HECTD4: variants seen among roughly 807,000 people sequenced by gnomAD.
HECTD4 encodes probable E3 ubiquitin-protein ligase HECTD4.
Under a neutral mutation model 471.5 loss-of-function variants are expected in HECTD4, and 114 were observed. The observed-to-expected ratio is 0.24, with a 90% CI of 0.21 to 0.28. The LOEUF is 0.28. Among genes scored for constraint, HECTD4 ranks in the 10% least tolerant of loss-of-function variants. HECTD4 has a pLI of 1.00. For synonymous variants in HECTD4, 2,012 were observed against 2,256.0 expected (o/e 0.89, Z 3.07); for missense variants, 3,866 against 5,651.5 (o/e 0.68, Z 10.13).
chr12:112,371,711 A>AC (rs1301994742), intron 1 of HECTD4, among the ~76,000 whole-genome samples: 2 of 151,974 alleles, frequency 1.3e-5, no homozygotes, highest in African/African-American at 4.8e-5. Context: ...ACATGGAGAA[A>AC]CCCCGTCTCT....
intron 40 of HECTD4, among the ~76,000 whole-genome samples, chr12:112,230,399 T>A (rs1170330257): frequency 6.6e-6 from 1 of 152,188 alleles, no homozygotes; most frequent in Non-Finnish European, 1.5e-5. Flanking sequence ...GATCTCCTAA[T>A]GTCAGTACCA....
intron 1 of HECTD4, among the ~76,000 whole-genome samples, chr12:112,364,999 T>C (rs1362479593): frequency 1.3e-5 from 2 of 152,198 alleles, no homozygotes; most frequent in East Asian, 1.9e-4. Flanking sequence ...ATAGGCTGAT[T>C]ATGTTCCAAT....
At chr12:112,321,090 C>T (rs1019943904) in intron 1 of HECTD4, among the ~76,000 whole-genome samples, 6 of 151,962 alleles carry the variant, frequency 3.9e-5, no homozygotes, top group African/African-American at 1.2e-4. Context: ...GTGATCTGCC[C>T]ACCTCGGCCT....
intron 44 of HECTD4, among the ~76,000 whole-genome samples, chr12:112,225,256 A>G (rs2033201715): frequency 6.6e-6 from 1 of 151,964 alleles, no homozygotes; most frequent in Admixed American, 6.6e-5. Context: ...AACTACAAAC[A>G]GAAAAGGTAT....
chr12:112,217,282 G>A (rs2135550504), intron 45 of HECTD4, 87 bp from the exon 46 acceptor site: 10 of 1,075,000 alleles, frequency 9.3e-6, no homozygotes, highest in South Asian at 2.5e-5. Context: ...TTTATCTGAT[G>A]GTATTAAAAT....
At chr12:112,369,131 C>T (rs1225582536) in intron 1 of HECTD4, among the ~76,000 whole-genome samples, 3 of 152,104 alleles carry the variant, frequency 2.0e-5, no homozygotes, top group African/African-American at 7.2e-5. Context: ...GATTACTGAC[C>T]AAAATGAGCC....
chr12:112,255,487 T>G lies in HECTD4; in HGVS notation c.3327+833A>C, dbSNP rs181875986. Among the ~76,000 whole-genome samples the G allele has an allele frequency of 2.7e-4, 41 of 152,256 alleles. 1 individual carries two copies. Among genetic ancestry groups the G allele is most frequent in the Middle Eastern group, 3.4e-3 (1 of 294 alleles). ...TTTCACCATCTCATAGTATATACAG[T>G]TAAGAAGTCCTTTATTTTTAACCTA... On this transcript the variant is annotated intron_variant, in intron 21 of 75. Coordinates refer to ENST00000682272, the MANE Select transcript of HECTD4 (RefSeq NM_001388303.1).
rs999506426 is a variant in HECTD4, at chr12:112,382,323, G to A, written c.-195C>T. ...CCCGACCCCGGCCCGGGAGACCCCG[G>A]CCCTGCCGCCGCCGCCGCCGCCGCC... On this transcript the variant is annotated 5_prime_UTR_variant, in exon 1 of 76. Coordinates refer to ENST00000682272, the MANE Select transcript of HECTD4 (RefSeq NM_001388303.1). 2 of 426,332 alleles carry A rather than the reference G, an allele frequency of 4.7e-6. No homozygotes were observed. Among genetic ancestry groups the A allele is most frequent in the Admixed American group, 4.9e-5 (1 of 20,508 alleles). The allele number at this position is 426,332 out of a possible 1,614,324, so 26.4% of individuals were successfully genotyped here. A position where few individuals can be genotyped will look rare whatever the true frequency, so the allele number is the denominator to read the frequency against.
intron 20 of HECTD4, among the ~76,000 whole-genome samples, chr12:112,257,668 T>C (rs1488650475): frequency 1.3e-5 from 2 of 152,216 alleles, no homozygotes; most frequent in Non-Finnish European, 2.9e-5. Context: ...TAACAAAAGT[T>C]CATTCCTTTT....
chr12:112,164,670 G>C (rs2030855711), intron 72 of HECTD4, among the ~76,000 whole-genome samples: 1 of 151,828 alleles, frequency 6.6e-6, no homozygotes, highest in Admixed American at 6.6e-5. Flanking sequence ...GCCCAGGCTG[G>C]AGTGCAATGG....
At chr12:112,351,763 T>C (rs1186365985) in intron 1 of HECTD4, among the ~76,000 whole-genome samples, 1 of 152,222 alleles carries the variant, frequency 6.6e-6, no homozygotes, top group Non-Finnish European at 1.5e-5. Context: ...CATAAAGATT[T>C]TACTACCAAG....
intron 45 of HECTD4, among the ~76,000 whole-genome samples, chr12:112,218,344 T>A (rs2032989630): frequency 6.6e-6 from 1 of 152,206 alleles, no homozygotes; most frequent in Admixed American, 6.5e-5. Context: ...TAGAACATTT[T>A]TGTCCCTACT....
At position 112,167,401 on chromosome 12, in the gene HECTD4, C is replaced by T. The variant is rs1023848476; in HGVS notation, c.12450G>A (p.Thr4150=). 3.1e-6 allele frequency: 5 copies of T among 1,613,722 alleles called. No homozygotes were observed. Among genetic ancestry groups the T allele is most frequent in the Admixed American group, 3.3e-5 (2 of 60,002 alleles). ...PLDLLPSFWK[T]LVGEPLDPEQ... ...CAGGGTCCAAGGGCTCGCCCACCAG[C>T]GTCTTCCAGAAGGAGGGCAGGAGGT... Residue 4150 remains threonine, a synonymous_variant, in exon 72 of 76, where the codon ACG becomes ACA. Coordinates refer to ENST00000682272, the MANE Select transcript of HECTD4 (RefSeq NM_001388303.1).
intron 50 of HECTD4, 22 bp from the exon 51 acceptor site, chr12:112,208,652 G>A: frequency 5.9e-6 from 9 of 1,522,866 alleles, no homozygotes; most frequent in Non-Finnish European, 7.9e-6. Context: ...CACAAGGACA[G>A]CGAATTCTAA....
At position 112,348,174 on chromosome 12, in the gene HECTD4, T is replaced by C. The variant is rs561622509; in HGVS notation, c.178-28432A>G. ...GCACAGAGAAAAGTTATGGTTGATA[T>C]TAAGAAATAAACTAGATTAACACAA... On this transcript the variant is annotated intron_variant, in intron 1 of 75. Transcript: ENST00000682272. Among the ~76,000 whole-genome samples the C allele has an allele frequency of 6.6e-5, 10 of 152,336 alleles. No homozygotes were observed. In the South Asian group the frequency reaches 1.7e-3, roughly 25 times the overall value.
Position 112,239,162 on chromosome 12 carries a change from G to A in HECTD4, c.5180C>T (p.Thr1727Ile). The change falls in exon 34 of 76, where the codon ACC becomes ATC. Residue 1727 changes from threonine (T) to isoleucine (I), a missense_variant. Physicochemically the swap from Thr to Ile is moderately conservative, Grantham distance 89. Transcript: ENST00000682272. This position sits in a 1 kb window ranked among gnomAD's most constrained non-coding sequence, Gnocchi z 4.9. Reference protein sequence around the residue: ...MDRLCSLSNQTESSSSEKQTK... With the variant: ...MDRLCSLSNQIESSSSEKQTK... ...CTGTTTCTCACTGGAGCTGGACTCG[G>A]TCTGATTGCTCAAGCTACACAGTCG... The A allele has an allele frequency of 1.2e-6, 2 of 1,613,912 alleles. No homozygotes were observed. Among genetic ancestry groups the A allele is most frequent in the Non-Finnish European group, 1.7e-6 (2 of 1,179,862 alleles).
rs530179018 is a variant in HECTD4, at chr12:112,263,584, G to T, written c.2748+500C>A. On this transcript the variant is annotated intron_variant, in intron 17 of 75. Coordinates refer to ENST00000682272, the MANE Select transcript of HECTD4 (RefSeq NM_001388303.1). ...TCACAGAAAATGAAATTGACTATAG[G>T]TTTAGAAATTAGATTATTCCATACA... Among the ~76,000 whole-genome samples the T allele has an allele frequency of 1.9e-4, 29 of 152,034 alleles. No individual in the cohort carries two copies. In the South Asian group the frequency reaches 2.1e-3, roughly 11 times the overall value.
Position 112,313,001 on chromosome 12 carries a change from A to G in HECTD4, c.916+16T>C. 1 of 1,533,850 alleles carries G rather than the reference A, an allele frequency of 6.5e-7. No homozygotes were observed. The highest frequency in any genetic ancestry group is 8.7e-7 in the Non-Finnish European group (1 of 1,146,072). The stretch of plus-strand genomic sequence containing the variant: ...ACATCTTACTATTAATCACAGGACA[A>G]AAACTTTTACATTACCTTTATTTTC... On this transcript the variant is annotated intron_variant, in intron 4 of 75. Transcript: ENST00000682272.
At chr12:112,186,124 G>A (rs961566651) in intron 60 of HECTD4, among the ~76,000 whole-genome samples, 3 of 151,732 alleles carry the variant, frequency 2.0e-5, no homozygotes, top group African/African-American at 7.3e-5. Context: ...AGGAGTGTGA[G>A]ACCATGCCCA....
Sources: gnomAD v4.1 joint callset for allele counts (sites outside exome capture counted in the v4.1 genomes callset) on GRCh38, gnomAD v4.1.1 for gene constraint, Gnocchi (gnomAD v3.1) non-coding constraint, MANE v1.5 for transcripts, NCBI Gene and HGNC (gene_info 2026-07-23, HGNC 2026-07-21) for gene names.